The following ATAD2B variants were observed in gnomAD, a reference collection of about 807,000 sequenced individuals.
The protein encoded by ATAD2B is ATPase family AAA domain containing 2B.
In ATAD2B, 40 loss-of-function variants were observed where a neutral mutation model predicts 167.6. That is an observed-to-expected ratio of 0.24 (90% CI 0.19 to 0.31). The LOEUF is 0.31. Ranked by LOEUF, ATAD2B falls within the 10% of genes least tolerant of loss-of-function variation. The probability of loss-of-function intolerance (pLI) is 1.00; values close to 1 mark genes in which losing one functional copy is unlikely to be tolerated. For synonymous variants in ATAD2B, 579 were observed against 596.5 expected, an observed-to-expected ratio of 0.97 and a Z score of 0.43; for missense variants, 1,242 against 1,757.2, an observed-to-expected ratio of 0.71 and a Z score of 5.24.
At chr2:23,866,190 G>A (rs1415352757) in intron 10 of ATAD2B, among the ~76,000 whole-genome samples, 1 of 152,226 alleles carries the variant, frequency 6.6e-6, no homozygotes, top group African/African-American at 2.4e-5. Flanking sequence ...AGGATCACCT[G>A]AGCTTAGGAG....
intron 24 of ATAD2B, among the ~76,000 whole-genome samples, chr2:23,760,621 G>C (rs1676534922): frequency 6.7e-6 from 1 of 150,010 alleles, no homozygotes. Flanking sequence ...CCAAGACTGA[G>C]CCACTGCACT....
intron 25 of ATAD2B, among the ~76,000 whole-genome samples, chr2:23,756,158 T>C (rs1439777515): frequency 6.6e-6 from 1 of 152,162 alleles, no homozygotes; most frequent in Non-Finnish European, 1.5e-5. Context: ...CATGCTGTTA[T>C]ATTCATTACT....
chr2:23,836,306 C>T (rs966798442), intron 13 of ATAD2B, among the ~76,000 whole-genome samples: 12 of 152,170 alleles, frequency 7.9e-5, no homozygotes, highest in Non-Finnish European at 1.6e-4. Context: ...GCAGCTTCCA[C>T]GGCTGCCACT....
chr2:23,682,879 G>T, the ATAD2B span, among the ~76,000 whole-genome samples: 2 of 92,298 alleles, frequency 2.2e-5, no homozygotes, highest in Admixed American at 2.5e-4. The surrounding 1 kb of genome is among the most constrained non-coding windows in gnomAD (Gnocchi z 4.1). Context: ...GGTTGGCGGG[G>T]TCAGTGATTC....
chr2:23,895,728 T>C, intron 2 of ATAD2B, 91 bp downstream of exon 2: 1 of 916,308 alleles, frequency 1.1e-6, no homozygotes, highest in South Asian at 2.7e-5. Context: ...AAGATACTTA[T>C]TTTATAAGCT....
Position 23,757,891 on chromosome 2 carries a change from G to T in ATAD2B, c.3605C>A (p.Ser1202Tyr). 2 of 1,601,784 alleles carry T rather than the reference G, an allele frequency of 1.2e-6. No individual in the cohort carries two copies. Among genetic ancestry groups the T allele is most frequent in the Non-Finnish European group, 1.7e-6 (2 of 1,176,616 alleles). The change falls in exon 25 of 28, where the codon TCT (serine) becomes TAT (tyrosine). Residue 1202 changes from serine to tyrosine, a missense_variant. By Grantham distance (144) the Ser-to-Tyr change is moderately radical. Coordinates refer to ENST00000238789, the MANE Select transcript of ATAD2B (RefSeq NM_017552.4). ...ACAGGATGATTCATCATTGGTCATA[G>T]ATAAGTCTCCAGTCTCTTCTCCATT... The part of the protein sequence containing the change: ...EENGEETGDL[S>Y]MTNDESSCDI...
intron 22 of ATAD2B, among the ~76,000 whole-genome samples, chr2:23,780,234 C>A (rs1679794718): frequency 7.0e-6 from 1 of 141,906 alleles, no homozygotes. Flanking sequence ...AGCAACAGAA[C>A]AAGATGCTGT....
the ATAD2B span, among the ~76,000 whole-genome samples, chr2:23,736,772 T>C: frequency 1.3e-5 from 2 of 151,888 alleles, no homozygotes. Context: ...GTGCAAGGGG[T>C]CAGGGAATTC....
chr2:23,859,257 T>G (rs1180864808), intron 12 of ATAD2B, among the ~76,000 whole-genome samples: 2 of 152,178 alleles, frequency 1.3e-5, no homozygotes, highest in Non-Finnish European at 1.5e-5. Context: ...CTTCACAAGA[T>G]CACTAGTCTT....
At chr2:23,869,561 T>TA (rs950253786) in intron 9 of ATAD2B, 102 bp downstream of exon 9, 49 of 806,330 alleles carry the variant, frequency 6.1e-5, no homozygotes, top group African/African-American at 5.4e-4. Context: ...TAATCTAGTC[T>TA]AAAATATGTG....
intron 6 of ATAD2B, among the ~76,000 whole-genome samples, chr2:23,882,830 A>C (rs1385207785): frequency 2.0e-5 from 3 of 152,092 alleles, no homozygotes; most frequent in African/African-American, 7.2e-5. Flanking sequence ...ACAACAAAAA[A>C]AAAAAGATCT....
chr2:23,871,156 C>T (rs953613355), intron 8 of ATAD2B, among the ~76,000 whole-genome samples: 1 of 151,140 alleles, frequency 6.6e-6, no homozygotes, highest in East Asian at 1.9e-4. Flanking sequence ...TTTTTGCCCA[C>T]CACATAATCA....
Position 23,895,962 on chromosome 2 carries a change from T to C in ATAD2B, c.225A>G (p.Glu75=), listed in dbSNP as rs1210043892. 1 of 1,611,440 alleles carries C rather than the reference T, an allele frequency of 6.2e-7. No homozygotes were observed. The highest frequency in any genetic ancestry group is 1.3e-5 in the African/African-American group (1 of 74,906). Reference sequence around the variant, plus strand: ...GGCTATCACTTAAACTACCATCAACTTCAACTTTCTGAAAGACAATGTTAA... The same window carrying C: ...GGCTATCACTTAAACTACCATCAACCTCAACTTTCTGAAAGACAATGTTAA... The part of the protein sequence containing the change: ...GVTLDEARKV[E]VDGSLSDSHV... Residue 75 remains glutamate, a synonymous_variant, in exon 2 of 28, where the codon GAA becomes GAG. Coordinates refer to ENST00000238789, the MANE Select transcript of ATAD2B (RefSeq NM_017552.4).
At chr2:23,720,226 G>C in the ATAD2B span, among the ~76,000 whole-genome samples, 1 of 152,188 alleles carries the variant, frequency 6.6e-6, no homozygotes, top group African/African-American at 2.4e-5. Flanking sequence ...AGTGTCAAAG[G>C]GAGAGTGCTG....
At chr2:23,807,824 A>C (rs77436624) in intron 18 of ATAD2B, among the ~76,000 whole-genome samples, 1 of 127,422 alleles carries the variant, frequency 7.8e-6, no homozygotes, top group Non-Finnish European at 1.6e-5. Context: ...TTAAAAAAAA[A>C]AAAAATATAT....
chr2:23,771,231 C>T (rs1399357667), intron 22 of ATAD2B, among the ~76,000 whole-genome samples: 6 of 152,210 alleles, frequency 3.9e-5, no homozygotes, highest in South Asian at 2.1e-4. Context: ...AGACATCATA[C>T]GTCTACAAAC....
At chr2:23,869,998 A>T (rs1695683727) in intron 8 of ATAD2B, among the ~76,000 whole-genome samples, 1 of 152,096 alleles carries the variant, frequency 6.6e-6, no homozygotes. Flanking sequence ...TCATGAGGTC[A>T]GGAGTTCGAG....
intron 17 of ATAD2B, among the ~76,000 whole-genome samples, chr2:23,819,470 G>A (rs1487116177): frequency 7.0e-6 from 1 of 143,830 alleles, no homozygotes; most frequent in African/African-American, 2.6e-5. Context: ...TACCCTGGGT[G>A]ACAGAGTGAG....
At chr2:23,745,415 A>AGAAAGGAAAGGGAAGGGAAG (rs1558476173), downstream of ATAD2B, among the ~76,000 whole-genome samples, 20 of 96,196 alleles carry the variant, frequency 2.1e-4, no homozygotes, top group African/African-American at 7.9e-4. Context: ...GAAGGAAGGA[A>AGAAAGGAAAGGGAAGGGAAG]GGAAGGAAAG....
Sources: allele counts gnomAD v4.1 joint callset (sites outside exome capture counted in the v4.1 genomes callset), GRCh38; gene constraint gnomAD v4.1.1; non-coding constraint Gnocchi (gnomAD v3.1); transcripts MANE v1.5; gene names NCBI Gene and HGNC (gene_info 2026-07-23, HGNC 2026-07-21).